FGF14: variants seen among roughly 807,000 people sequenced by gnomAD.
The protein encoded by FGF14 is fibroblast growth factor homologous factor 4.
A neutral mutation model predicts 25.5 loss-of-function variants in FGF14; 5 were observed. The ratio of observed to expected loss-of-function variants is 0.20; its 90% CI spans 0.10 to 0.41. The LOEUF is 0.41. Ranked by LOEUF, FGF14 falls within the 10% of genes least tolerant of loss-of-function variation. The pLI is 1.00. For missense variants in FGF14, 222 were observed against 320.1 expected (o/e 0.69, Z 2.34); for synonymous variants, 138 against 118.3 (o/e 1.17, Z -1.08).
intron 1 of FGF14, among the ~76,000 whole-genome samples, chr13:102,170,110 G>T (rs568077903): frequency 2.0e-5 from 3 of 152,164 alleles, no homozygotes; most frequent in East Asian, 3.9e-4. Flanking sequence ...GGTAAGGCCT[G>T]GCTTTCCATC....
intron 1 of FGF14, among the ~76,000 whole-genome samples, chr13:101,985,077 T>G (rs1430882766): frequency 8.9e-6 from 1 of 112,306 alleles, no homozygotes; most frequent in Non-Finnish European, 1.7e-5. Context: ...GGGTTTTTTT[T>G]TTGTTTTTTT....
At chr13:101,854,191 ATCTTT>A (rs1263066571) in intron 3 of FGF14, among the ~76,000 whole-genome samples, 17 of 152,108 alleles carry the variant, frequency 1.1e-4, no homozygotes, top group African/African-American at 2.2e-4. Flanking sequence ...TTTGGATGGA[ATCTTT>A]TCTTTATTTG....
chr13:102,072,461 T>C (rs892968569), intron 1 of FGF14, among the ~76,000 whole-genome samples: 43 of 152,176 alleles, frequency 2.8e-4, no homozygotes, highest in African/African-American at 1.0e-3. Flanking sequence ...TAGCAATTAA[T>C]AGCCCAAAGA....
At chr13:101,812,513 A>G (rs1409818639) in intron 3 of FGF14, among the ~76,000 whole-genome samples, 1 of 149,838 alleles carries the variant, frequency 6.7e-6, no homozygotes, top group East Asian at 1.9e-4. Flanking sequence ...AGATCTCAAA[A>G]TATTTATGAT....
At chr13:101,778,075 C>T (rs753547961) in intron 3 of FGF14, among the ~76,000 whole-genome samples, 1 of 152,134 alleles carries the variant, frequency 6.6e-6, no homozygotes, top group African/African-American at 2.4e-5. Flanking sequence ...CGTGAGAGTG[C>T]CTGGTAAATC....
chr13:102,284,292 AC>A (rs1215569607), intron 1 of FGF14, among the ~76,000 whole-genome samples: 1 of 152,208 alleles, frequency 6.6e-6, no homozygotes, highest in Non-Finnish European at 1.5e-5. Context: ...CTTATAAAGG[AC>A]TGCCCCTCAT....
At position 102,326,754 on chromosome 13, in the gene FGF14, A is replaced by AAGGAAGGAAGGAAG. The variant is rs1566939231; in HGVS notation, c.208+74716_208+74717insCTTCCTTCCTTCCT. 2.6e-5 allele frequency among the ~76,000 whole-genome samples: 2 copies of AAGGAAGGAAGGAAG among 76,822 alleles called. 1 individual carries two copies. The highest frequency in any genetic ancestry group is 1.1e-4 in the African/African-American group (2 of 18,644). The allele number at this position is 76,822 out of a possible 152,430, so 50.4% of individuals were successfully genotyped here. A position where few individuals can be genotyped will look rare whatever the true frequency, so the allele number is the denominator to read the frequency against. On this transcript the variant is annotated intron_variant, in intron 1 of 4. Coordinates refer to the FGF14 transcript ENST00000376131. ...AGGAAGGAAGGAAGGAAGGAAGGAA[A>AAGGAAGGAAGGAAG]GAGGGAGGGAAGGAAGGAAGAAAAA...
chr13:102,163,885 C>T (rs1439581286), intron 1 of FGF14, among the ~76,000 whole-genome samples: 1 of 152,052 alleles, frequency 6.6e-6, no homozygotes, highest in South Asian at 2.1e-4. Context: ...CAAAGTGAAG[C>T]ATGGAAAGAT....
chr13:102,050,163 T>C (rs1331114723), intron 1 of FGF14, among the ~76,000 whole-genome samples: 1 of 152,206 alleles, frequency 6.6e-6, no homozygotes, highest in Non-Finnish European at 1.5e-5. Context: ...GCTGAGTGGA[T>C]GATTCAAATG....
At chr13:102,232,966 G>A (rs899523649) in intron 1 of FGF14, among the ~76,000 whole-genome samples, 21 of 152,048 alleles carry the variant, frequency 1.4e-4, no homozygotes, top group Admixed American at 1.3e-4. Flanking sequence ...CACCTTTTCC[G>A]GTGCTGCCTG....
At chr13:101,784,989 T>G (rs1322865484) in intron 3 of FGF14, among the ~76,000 whole-genome samples, 1 of 152,126 alleles carries the variant, frequency 6.6e-6, no homozygotes, top group South Asian at 2.1e-4. Flanking sequence ...ACTTCTAGCT[T>G]TATTTATACT....
intron 1 of FGF14, among the ~76,000 whole-genome samples, chr13:102,121,529 C>A (rs2045724480): frequency 6.6e-6 from 1 of 152,034 alleles, no homozygotes; most frequent in Non-Finnish European, 1.5e-5. Context: ...AACCTTATGT[C>A]CCATGAAAAT....
chr13:102,087,840 A>G (rs574737880), intron 1 of FGF14, among the ~76,000 whole-genome samples: 1 of 148,258 alleles, frequency 6.7e-6, no homozygotes, highest in Admixed American at 6.8e-5. Flanking sequence ...CAGATAATAC[A>G]CTTTTTACAT....
At chr13:102,025,367 A>G (rs2040871173) in intron 1 of FGF14, among the ~76,000 whole-genome samples, 1 of 152,018 alleles carries the variant, frequency 6.6e-6, no homozygotes. Context: ...TATAGGCATT[A>G]TATAATTTAT....
At chr13:102,388,157 A>T (rs987333674) in intron 1 of FGF14, among the ~76,000 whole-genome samples, 7 of 152,162 alleles carry the variant, frequency 4.6e-5, no homozygotes, top group Non-Finnish European at 8.8e-5. Flanking sequence ...TTTTGCAGGG[A>T]AATAAAATGC....
At chr13:101,747,363 C>T (rs1447600584) in intron 3 of FGF14, among the ~76,000 whole-genome samples, 2 of 151,950 alleles carry the variant, frequency 1.3e-5, no homozygotes, top group African/African-American at 4.8e-5. Flanking sequence ...TTCCTGCCCT[C>T]AAGGAAGTTT....
intron 1 of FGF14, among the ~76,000 whole-genome samples, chr13:102,197,863 T>C (rs1033846979): frequency 6.6e-6 from 1 of 152,132 alleles, no homozygotes; most frequent in Non-Finnish European, 1.5e-5. Context: ...AGCCTCACGG[T>C]ACACAGTAGC....
chr13:101,838,642 T>C (rs935362536), intron 3 of FGF14, among the ~76,000 whole-genome samples: 12 of 152,004 alleles, frequency 7.9e-5, no homozygotes, highest in Non-Finnish European at 1.8e-4. Context: ...AAGCAAGAAG[T>C]TCTGGCACTG....
At chr13:101,903,065 G>C (rs2031772775) in intron 1 of FGF14, among the ~76,000 whole-genome samples, 1 of 152,030 alleles carries the variant, frequency 6.6e-6, no homozygotes, top group Non-Finnish European at 1.5e-5. Context: ...TTGTTTGTTT[G>C]TATATTGCTC....
Sources: allele counts gnomAD v4.1 joint callset (sites outside exome capture counted in the v4.1 genomes callset), GRCh38; gene constraint gnomAD v4.1.1; transcripts MANE v1.5; gene names NCBI Gene and HGNC (gene_info 2026-07-23, HGNC 2026-07-21).